CPM: variants seen among roughly 807,000 people sequenced by gnomAD.
CPM encodes the protein carboxypeptidase M.
A neutral mutation model predicts 46.4 loss-of-function variants in CPM; 35 were observed. The ratio of observed to expected loss-of-function variants is 0.75; its 90% CI spans 0.58 to 1.00. The LOEUF (loss-of-function observed/expected upper bound fraction) is 1.00, where lower values mean the gene tolerates loss of function less well. Among genes scored for constraint, CPM ranks in the 50% least tolerant of loss-of-function variants. The pLI, the probability that CPM is intolerant of heterozygous loss-of-function variation, is 0.00. For missense variants in CPM, 422 were observed against 530.4 expected, an observed-to-expected ratio of 0.80 and a Z score of 2.01; for synonymous variants, 195 against 195.3, an observed-to-expected ratio of 1.00 and a Z score of 0.01.
At chr12:68,860,812 G>T (rs1475620358) in intron 7 of CPM, among the ~76,000 whole-genome samples, 1 of 152,102 alleles carries the variant, frequency 6.6e-6, no homozygotes, top group African/African-American at 2.4e-5. Flanking sequence ...ACCCAGGATG[G>T]TTGTGAAGAT....
At chr12:68,867,862 G>A (rs1386903534) in intron 6 of CPM, among the ~76,000 whole-genome samples, 1 of 152,212 alleles carries the variant, frequency 6.6e-6, no homozygotes, top group Non-Finnish European at 1.5e-5. Flanking sequence ...AAAACAGGCA[G>A]GCATTATGGA....
chr12:68,884,607 T>C (rs937939373), intron 3 of CPM, among the ~76,000 whole-genome samples: 1 of 152,206 alleles, frequency 6.6e-6, no homozygotes, highest in Non-Finnish European at 1.5e-5. Flanking sequence ...TATTGGAATA[T>C]GTATGTAAAT....
At chr12:68,850,830 C>T (rs969193113), downstream of CPM, 1 of 152,056 alleles carries the variant, frequency 6.6e-6, no homozygotes, top group African/African-American at 2.4e-5. Flanking sequence ...TTCTGCATTT[C>T]TCAGATTCTT....
Position 68,859,059 on chromosome 12 carries a change from T to C in CPM, c.953A>G (p.Gln318Arg). ...IKQVHLGVKGQVFDQNGNPLP... is the reference protein window; with the variant it reads ...IKQVHLGVKGRVFDQNGNPLP... The stretch of plus-strand genomic sequence containing the variant: ...TGGATTTCCATTCTGATCAAAAACT[T>C]GACCCTTTACACCTGCAAGACAAAA... Residue 318 changes from glutamine to arginine, a missense_variant, in exon 8 of 9, where the codon CAA becomes CGA. Transcript: ENST00000551568. The C allele has an allele frequency of 6.6e-7, 1 of 1,523,186 alleles. No individual in the cohort carries two copies. The highest frequency in any genetic ancestry group is 8.8e-7 in the Non-Finnish European group (1 of 1,137,490). The allele number at this position is 1,523,186 out of a possible 1,614,324, so 94.4% of individuals were successfully genotyped here. A position where few individuals can be genotyped will look rare whatever the true frequency, so the allele number is the denominator to read the frequency against.
Position 68,870,329 on chromosome 12 carries a change from G to A in CPM, c.502C>T (p.Gln168Ter). Residue 168 changes from glutamine to a stop codon, truncating the protein, a stop_gained, in exon 5 of 9, where the codon CAG (glutamine) becomes TAG (stop). Coordinates refer to ENST00000551568, the MANE Select transcript of CPM (RefSeq NM_198320.5). LOFTEE classifies it high-confidence loss of function. ...DAFEYNNVSR[Q>*]PETVAVMKWL... ...TTCATGACTGCCACAGTTTCAGGCT[G>A]CCTTGAGACATTATTATATTCAAAA... 6.2e-7 allele frequency: 1 copy of A among 1,614,202 alleles called. No individual in the cohort carries two copies. The highest frequency in any genetic ancestry group is 8.5e-7 in the Non-Finnish European group (1 of 1,180,026).
chr12:68,886,965 T>C (rs1012758820), intron 2 of CPM, among the ~76,000 whole-genome samples: 19 of 152,272 alleles, frequency 1.2e-4, no homozygotes, highest in Non-Finnish European at 2.4e-4. Context: ...TTAACCAAAC[T>C]TTACAAATGA....
chr12:68,953,234 G>A (rs991277414), intron 1 of CPM, among the ~76,000 whole-genome samples: 13 of 152,032 alleles, frequency 8.6e-5, no homozygotes, highest in African/African-American at 3.1e-4. Flanking sequence ...CCTTCAGCAG[G>A]TATGTTTTTT....
At chr12:68,898,766 C>T (rs565488719) in intron 2 of CPM, among the ~76,000 whole-genome samples, 46 of 152,322 alleles carry the variant, frequency 3.0e-4, no homozygotes, top group African/African-American at 1.0e-3. Flanking sequence ...AGCTCTGTCA[C>T]TTACTAGCCA....
intron 1 of CPM, chr12:68,957,247 G>C (rs4913478): frequency 0.17 from 25,340 of 152,730 alleles, 2,218 homozygotes; most frequent in Middle Eastern, 0.2. Flanking sequence ...TCTTGAAGCT[G>C]CTGACATGGT....
At chr12:68,929,011 G>C (rs116443057) in intron 2 of CPM, among the ~76,000 whole-genome samples, 2,572 of 151,756 alleles carry the variant, frequency 0.017, 70 homozygotes, top group African/African-American at 0.059. Flanking sequence ...CCCAGTCAAT[G>C]CAAGATTCTT....
chr12:68,867,314 T>C (rs1008621399), intron 6 of CPM, among the ~76,000 whole-genome samples: 1 of 152,228 alleles, frequency 6.6e-6, no homozygotes, highest in Non-Finnish European at 1.5e-5. Flanking sequence ...GGAAGGGTCC[T>C]TTTTTGTTTT....
At chr12:68,908,416 T>C (rs1250977351) in intron 2 of CPM, among the ~76,000 whole-genome samples, 1 of 150,522 alleles carries the variant, frequency 6.6e-6, no homozygotes, top group Non-Finnish European at 1.5e-5. Flanking sequence ...TTTTTTCTCA[T>C]CACTTTCTCT....
Position 68,856,655 on chromosome 12 carries a change from G to C in CPM, c.1114C>G (p.His372Asp). ...INVTVPGHDP[H>D]ITKVIIPEKS... is the part of the protein sequence containing the mutation. ...TCCGGAATAATCACCTTTGTGATGT[G>C]TGGATCATGTCCAGGGACTGTAACC... The change falls in exon 9 of 9, where the codon CAC becomes GAC. Residue 372 changes from histidine to aspartate, a missense_variant. His to Asp is a moderately conservative substitution (Grantham distance 81). Transcript: ENST00000551568. 1 of 1,614,210 alleles carries C rather than the reference G, an allele frequency of 6.2e-7. No homozygotes were observed.
intron 7 of CPM, among the ~76,000 whole-genome samples, chr12:68,860,907 G>T (rs1885180738): frequency 6.6e-6 from 1 of 150,888 alleles, no homozygotes; most frequent in Admixed American, 6.6e-5. Context: ...TTTAGACAGG[G>T]TCTTGCTCTG....
intron 5 of CPM, chr12:68,844,331 A>G (rs1250037555): frequency 9.0e-6 from 2 of 223,462 alleles, no homozygotes; most frequent in African/African-American, 2.2e-5. Context: ...AGAAATACAA[A>G]TATCACTGGG....
intron 8 of CPM, among the ~76,000 whole-genome samples, chr12:68,856,943 A>C (rs1436163264): frequency 6.6e-6 from 1 of 152,216 alleles, no homozygotes; most frequent in Non-Finnish European, 1.5e-5. Flanking sequence ...AATGTAAGTC[A>C]AGAGAAGGAA....
upstream of CPM, among the ~76,000 whole-genome samples, chr12:68,934,167 C>T (rs1888624650): frequency 6.6e-6 from 1 of 151,816 alleles, no homozygotes; most frequent in Non-Finnish European, 1.5e-5. Context: ...TGTAAGTAAC[C>T]GTGTCAGGGT....
At chr12:68,958,412 C>T (rs1172327201) in intron 1 of CPM, among the ~76,000 whole-genome samples, 2 of 152,060 alleles carry the variant, frequency 1.3e-5, no homozygotes, top group African/African-American at 4.8e-5. Context: ...CCCCTCAAAC[C>T]CCTTCCACTC....
At position 68,854,180 on chromosome 12, in the gene CPM, G is replaced by C. The variant is rs928565562; in HGVS notation, c.*2257C>G. The C allele has an allele frequency of 6.6e-6, 1 of 152,182 alleles. No homozygotes were observed. The highest frequency in any genetic ancestry group is 1.5e-5 in the Non-Finnish European group (1 of 68,032). The allele number at this position is 152,182 out of a possible 1,614,324, so 9.4% of individuals were successfully genotyped here. A position where few individuals can be genotyped will look rare whatever the true frequency, so the allele number is the denominator to read the frequency against. ...ACTCTTCTGTCAGCGTTCATAGTGAGCTGGGAGGTTGCCTACGCATTAAGA... is the reference window on the plus strand; with the variant it reads ...ACTCTTCTGTCAGCGTTCATAGTGACCTGGGAGGTTGCCTACGCATTAAGA... On this transcript the variant is annotated 3_prime_UTR_variant, in exon 9 of 9. Coordinates refer to ENST00000551568, the MANE Select transcript of CPM (RefSeq NM_198320.5).
Sources: gnomAD v4.1 joint callset for allele counts (sites outside exome capture counted in the v4.1 genomes callset) on GRCh38, gnomAD v4.1.1 for gene constraint, MANE v1.5 for transcripts, NCBI Gene and HGNC (gene_info 2026-07-23, HGNC 2026-07-21) for gene names.